The following PCCB variants were observed in gnomAD, a reference collection of about 807,000 sequenced individuals.
PCCB encodes propionyl-CoA carboxylase beta chain, mitochondrial.
PCCB carries 43 observed loss-of-function variants against 60.7 expected under a neutral mutation model. The observed-to-expected ratio is 0.71, with a 90% CI of 0.55 to 0.91. PCCB has a LOEUF of 0.91. Ranked by LOEUF, PCCB falls within the 40% of genes least tolerant of loss-of-function variation. PCCB has a pLI of 0.00. For synonymous variants in PCCB, 276 were observed against 255.9 expected, an observed-to-expected ratio of 1.08 and a Z score of -0.75; for missense variants, 766 against 702.8, an observed-to-expected ratio of 1.09 and a Z score of -1.02.
rs1934921365 is a variant in PCCB, at chr3:136,316,989, A to G, written c.1015A>G (p.Asn339Asp). 6.2e-7 allele frequency: 1 copy of G among 1,613,934 alleles called. No individual in the cohort carries two copies. Among genetic ancestry groups the G allele is most frequent in the South Asian group, 1.1e-5 (1 of 91,076 alleles). ...FFEIMPNYAK[N>D]IIVGFARMNG... ...TGAGATCATGCCCAATTATGCCAAG[A>G]ACATCATTGTTGGTTTTGCAAGAAT... Residue 339 changes from asparagine to aspartate, a missense_variant, in exon 10 of 15, where the codon AAC (asparagine) becomes GAC (aspartate). Transcript: ENST00000251654.
chr3:136,300,039 T>C (rs574287115), intron 8 of PCCB, among the ~76,000 whole-genome samples: 17 of 151,524 alleles, frequency 1.1e-4, no homozygotes, highest in East Asian at 1.9e-4. Flanking sequence ...CACATGCATA[T>C]ATGCATGCCC....
rs1334694771 is a variant in PCCB, at chr3:136,329,992, G to A, written c.1586G>A (p.Arg529His). The change falls in exon 15 of 15, where the codon CGT (arginine) becomes CAT (histidine). Residue 529 changes from arginine to histidine, a missense_variant. Physicochemically the swap from Arg to His is conservative, Grantham distance 29. Transcript: ENST00000251654. ...LDVLASKKVQ[R>H]PWRKHANIPL Reference sequence around the variant, plus strand: ...GTCTTGGCCAGCAAGAAGGTACAACGTCCTTGGAGAAAACATGCAAATATT... The same window carrying A: ...GTCTTGGCCAGCAAGAAGGTACAACATCCTTGGAGAAAACATGCAAATATT... The A allele has an allele frequency of 9.9e-6, 16 of 1,613,998 alleles. No homozygotes were observed. The highest frequency in any genetic ancestry group is 6.7e-5 in the East Asian group (3 of 44,890).
intron 10 of PCCB, among the ~76,000 whole-genome samples, chr3:136,318,784 A>G (rs182785980): frequency 6.6e-6 from 1 of 152,346 alleles, no homozygotes; most frequent in East Asian, 1.9e-4. Flanking sequence ...TGTTGCATGT[A>G]TATACCACAT....
intron 1 of PCCB, chr3:136,255,534 G>C (rs1941649592): frequency 5.4e-6 from 2 of 371,452 alleles, no homozygotes. Flanking sequence ...TAGGTCTCCA[G>C]TAAGTATTTG....
Position 136,261,884 on chromosome 3 carries a change from TA to T in PCCB, c.430-67del, listed in dbSNP as rs1303403989. On this transcript the variant is annotated intron_variant, in intron 4 of 14. Coordinates refer to ENST00000251654, the MANE Select transcript of PCCB (RefSeq NM_000532.5). ...GAACGTTTTCCAGAAAACACTGTGG[TA>T]TTTTGTGAATGTCGTTTTTTATATC... 1.0e-4 allele frequency: 107 copies of T among 1,054,104 alleles called. 1 individual carries two copies. The South Asian group carries it at 1.4e-3, about 14-fold the overall frequency. The allele number at this position is 1,054,104 out of a possible 1,614,324, so 65.3% of individuals were successfully genotyped here.
chr3:136,268,063 T>TGA (rs1553775667), intron 5 of PCCB, among the ~76,000 whole-genome samples: 1 of 91,622 alleles, frequency 1.1e-5, no homozygotes, highest in Non-Finnish European at 2.4e-5. Flanking sequence ...TGTGTGTGTG[T>TGA]GCGTGTGTGT....
chr3:136,295,987 G>A (rs1933917242), intron 7 of PCCB, among the ~76,000 whole-genome samples: 1 of 152,126 alleles, frequency 6.6e-6, no homozygotes. Flanking sequence ...GCTCTTTGAT[G>A]GACTGTGTCT....
intron 7 of PCCB, among the ~76,000 whole-genome samples, chr3:136,295,688 G>A (rs904520198): frequency 1.3e-5 from 2 of 152,148 alleles, no homozygotes; most frequent in African/African-American, 4.8e-5. Context: ...AACATACAAA[G>A]CATAAAAACT....
chr3:136,308,421 T>A (rs1277669200), intron 9 of PCCB, among the ~76,000 whole-genome samples: 1 of 152,164 alleles, frequency 6.6e-6, no homozygotes, highest in Non-Finnish European at 1.5e-5. Flanking sequence ...GCATATCGAA[T>A]ATCTGTGCCA....
chr3:136,327,271 T>G lies in PCCB; in HGVS notation c.1299+16T>G. The G allele has an allele frequency of 6.3e-7, 1 of 1,589,520 alleles. No homozygotes were observed. Among genetic ancestry groups the G allele is most frequent in the Non-Finnish European group, 8.6e-7 (1 of 1,157,504 alleles). On this transcript the variant is annotated intron_variant, in intron 12 of 14. Coordinates refer to ENST00000251654, the MANE Select transcript of PCCB (RefSeq NM_000532.5). Reference sequence around the variant, plus strand: ...CACCAGGAAGGTGAGGACCTCATGTTGGAGGCCATGACCCTGCTCACTTTC... The same window carrying G: ...CACCAGGAAGGTGAGGACCTCATGTGGGAGGCCATGACCCTGCTCACTTTC...
intron 6 of PCCB, among the ~76,000 whole-genome samples, chr3:136,291,387 AGT>A (rs1340714396): frequency 6.6e-6 from 1 of 152,054 alleles, no homozygotes; most frequent in Non-Finnish European, 1.5e-5. Flanking sequence ...TTTGTCTTTT[AGT>A]GTGTCTTATG....
At chr3:136,290,622 G>A (rs1295631479) in intron 6 of PCCB, among the ~76,000 whole-genome samples, 1 of 136,390 alleles carries the variant, frequency 7.3e-6, no homozygotes, top group Non-Finnish European at 1.5e-5. Flanking sequence ...AGCCTCATGA[G>A]TGGCTGGGAC....
At position 136,300,950 on chromosome 3, in the gene PCCB, A is replaced by G. The variant is rs181865261; in HGVS notation, c.885-80A>G. On this transcript the variant is annotated intron_variant, in intron 8 of 14. Coordinates refer to ENST00000251654, the MANE Select transcript of PCCB (RefSeq NM_000532.5). Reference sequence around the variant, plus strand: ...CCCAGTCCCTATGACGTGTCACCCCATTTCCTTTCCCACCCCATTCCCACA... The same window carrying G: ...CCCAGTCCCTATGACGTGTCACCCCGTTTCCTTTCCCACCCCATTCCCACA... The G allele has an allele frequency of 3.7e-5, 38 of 1,025,244 alleles. No homozygotes were observed. The East Asian group carries it at 8.1e-4, about 22-fold the overall frequency. 63.5% of individuals were successfully genotyped at this position (1,025,244 alleles called of 1,614,324 possible). A position where few individuals can be genotyped will look rare whatever the true frequency, so the allele number is the denominator to read the frequency against.
intron 6 of PCCB, among the ~76,000 whole-genome samples, chr3:136,288,620 G>A (rs984768208): frequency 6.6e-6 from 1 of 150,688 alleles, no homozygotes; most frequent in Admixed American, 6.6e-5. Context: ...CTGGGATTAC[G>A]GGTATAAGCC....
intron 5 of PCCB, among the ~76,000 whole-genome samples, chr3:136,268,465 G>GT (rs535168208): frequency 0.35 from 46,742 of 133,204 alleles, 9,626 homozygotes; most frequent in East Asian, 0.78. Flanking sequence ...CTCCAACTTG[G>GT]TTTTTTTTTT....
chr3:136,293,784 C>G lies in PCCB; in HGVS notation c.683C>G (p.Pro228Arg). The G allele has an allele frequency of 6.2e-7, 1 of 1,612,834 alleles. No homozygotes were observed. Among genetic ancestry groups the G allele is most frequent in the Non-Finnish European group, 8.5e-7 (1 of 1,178,908 alleles). ...KDTSYLFITGPDVVKSVTNED... is the reference protein window; with the variant it reads ...KDTSYLFITGRDVVKSVTNED... ...ACCTCCTACCTGTTCATCACTGGCCCTGATGTTGTGAAGTCTGTCACCAAT... is the reference window on the plus strand; with the variant it reads ...ACCTCCTACCTGTTCATCACTGGCCGTGATGTTGTGAAGTCTGTCACCAAT... The change falls in exon 7 of 15, where the codon CCT (proline) becomes CGT (arginine). Residue 228 changes from proline to arginine, a missense_variant. Transcript: ENST00000251654.
In PCCB at chr3:136,302,145, A is replaced by G. The variant is rs200775111; in HGVS notation, c.966+1034A>G. Among the ~76,000 whole-genome samples, 9 of 152,278 alleles carry G rather than the reference A, an allele frequency of 5.9e-5. No individual in the cohort carries two copies. The East Asian group carries it at 1.5e-3, about 26-fold the overall frequency. On this transcript the variant is annotated intron_variant, in intron 9 of 14. Coordinates refer to ENST00000251654, the MANE Select transcript of PCCB (RefSeq NM_000532.5). ...AGCACAGATTCTCAATATTTGGAGGACAGGGTCCTTTTATGCCCACCCCGG... is the reference window on the plus strand; with the variant it reads ...AGCACAGATTCTCAATATTTGGAGGGCAGGGTCCTTTTATGCCCACCCCGG...
intron 5 of PCCB, among the ~76,000 whole-genome samples, chr3:136,263,242 C>T (rs540917057): frequency 3.7e-4 from 54 of 145,028 alleles, no homozygotes; most frequent in Non-Finnish European, 5.8e-4. Context: ...TGTGAGCCAC[C>T]GCGCCCAGCT....
chr3:136,299,480 G>T (rs569294385), intron 8 of PCCB, among the ~76,000 whole-genome samples: 1 of 148,902 alleles, frequency 6.7e-6, no homozygotes, highest in East Asian at 1.9e-4. Context: ...GTATGCATGT[G>T]TATGTATGTA....
Sources: allele counts gnomAD v4.1 joint callset (sites outside exome capture counted in the v4.1 genomes callset), GRCh38; gene constraint gnomAD v4.1.1; transcripts MANE v1.5; gene names NCBI Gene and HGNC (gene_info 2026-07-23, HGNC 2026-07-21).